The following OPCML variants were observed in gnomAD, a reference collection of about 807,000 sequenced individuals.
OPCML encodes the protein opioid binding protein/cell adhesion molecule like.
OPCML carries 13 observed loss-of-function variants against 37.8 expected under a neutral mutation model. The ratio of observed to expected loss-of-function variants is 0.34; its 90% CI spans 0.22 to 0.55. The LOEUF is 0.55. OPCML is among the 20% of genes least tolerant of loss of function. The probability of loss-of-function intolerance (pLI) is 0.91; values close to 1 mark genes in which losing one functional copy is unlikely to be tolerated. For synonymous variants in OPCML, 176 were observed against 168.8 expected, an observed-to-expected ratio of 1.04 and a Z score of -0.33; for missense variants, 341 against 435.6, an observed-to-expected ratio of 0.78 and a Z score of 1.93.
chr11:132,595,359 A>G (rs2096490882), intron 3 of OPCML, among the ~76,000 whole-genome samples: 1 of 152,222 alleles, frequency 6.6e-6, no homozygotes, highest in Non-Finnish European at 1.5e-5. Context: ...GCATCACATA[A>G]TAAATGTGTC....
intron 1 of OPCML, among the ~76,000 whole-genome samples, chr11:133,473,225 A>C (rs1445752836): frequency 6.6e-6 from 1 of 152,224 alleles, no homozygotes; most frequent in East Asian, 1.9e-4. Flanking sequence ...GAAACAGCAC[A>C]GAAACCTAAC....
chr11:133,096,702 C>A (rs1949009048), intron 1 of OPCML, among the ~76,000 whole-genome samples: 1 of 151,866 alleles, frequency 6.6e-6, no homozygotes, highest in Admixed American at 6.6e-5. Flanking sequence ...GCCATGGTAA[C>A]ACTATTTAGA....
intron 1 of OPCML, among the ~76,000 whole-genome samples, chr11:132,955,936 T>G (rs1945969504): frequency 1.3e-5 from 2 of 152,174 alleles, no homozygotes; most frequent in African/African-American, 2.4e-5. Context: ...CAACATTCAT[T>G]GCTGTATTAC....
At chr11:132,816,279 G>T (rs1389411068) in intron 2 of OPCML, among the ~76,000 whole-genome samples, 9 of 152,066 alleles carry the variant, frequency 5.9e-5, no homozygotes, top group Admixed American at 5.9e-4. Flanking sequence ...TTTGTAAAGG[G>T]CCAGATAATA....
rs1267420139 is a variant in OPCML, at chr11:133,526,278, G to C, written c.61+5986C>G. Among the ~76,000 whole-genome samples the C allele has an allele frequency of 2.0e-5, 3 of 152,228 alleles. No homozygotes were observed. In the East Asian group the frequency reaches 5.8e-4, roughly 29 times the overall value. On this transcript the variant is annotated intron_variant, in intron 1 of 7. Coordinates refer to ENST00000524381, the MANE Select transcript of OPCML (RefSeq NM_001012393.5). Reference sequence around the variant, plus strand: ...GCCTCCTGCCATGTGTGCCCACAGGGAGAGCACCAAGGCTGGGGGCTAGAG... The same window carrying C: ...GCCTCCTGCCATGTGTGCCCACAGGCAGAGCACCAAGGCTGGGGGCTAGAG...
chr11:132,734,751 C>T (rs1041694206), intron 2 of OPCML, among the ~76,000 whole-genome samples: 2 of 152,098 alleles, frequency 1.3e-5, no homozygotes, highest in Non-Finnish European at 2.9e-5. Context: ...AGAGGTGTTG[C>T]CGACTGTAAA....
At chr11:133,079,753 T>A (rs1003520850) in intron 1 of OPCML, among the ~76,000 whole-genome samples, 1 of 152,058 alleles carries the variant, frequency 6.6e-6, no homozygotes. Context: ...TCCGCCTGCC[T>A]GTTGTAAGGT....
intron 1 of OPCML, chr11:133,008,058 G>A (rs963685543): frequency 2.0e-6 from 2 of 985,306 alleles, no homozygotes; most frequent in East Asian, 1.1e-4. Context: ...TTGCTGTACG[G>A]CTACTTGCAT....
At chr11:133,490,500 G>A (rs1450400039) in intron 1 of OPCML, among the ~76,000 whole-genome samples, 1 of 152,158 alleles carries the variant, frequency 6.6e-6, no homozygotes, top group African/African-American at 2.4e-5. Flanking sequence ...AGTAAAACGA[G>A]GGTCAGGAGT....
chr11:132,467,801 G>A (rs916840577), intron 4 of OPCML, among the ~76,000 whole-genome samples: 1 of 152,112 alleles, frequency 6.6e-6, no homozygotes, highest in Non-Finnish European at 1.5e-5. Context: ...TAGTGATAAT[G>A]GTCTATGAAA....
chr11:132,536,384 T>C (rs1435236690), intron 3 of OPCML, among the ~76,000 whole-genome samples: 1 of 152,218 alleles, frequency 6.6e-6, no homozygotes, highest in East Asian at 1.9e-4. Flanking sequence ...TTCTGTGTGA[T>C]TTTTGTACAC....
intron 1 of OPCML, among the ~76,000 whole-genome samples, chr11:133,391,844 T>C (rs1466167320): frequency 6.6e-6 from 1 of 152,204 alleles, no homozygotes; most frequent in African/African-American, 2.4e-5. Context: ...TTAGGCTTTA[T>C]TTTTCTCTCA....
At chr11:132,496,767 C>G (rs1592266199) in intron 4 of OPCML, among the ~76,000 whole-genome samples, 1 of 152,128 alleles carries the variant, frequency 6.6e-6, no homozygotes, top group South Asian at 2.1e-4. Context: ...AGTCTCAACC[C>G]AATATTACAA....
In OPCML at chr11:133,208,315, A is replaced by G. The variant is rs889400161; in HGVS notation, c.62-265305T>C. Among the ~76,000 whole-genome samples, 4 of 152,182 alleles carry G rather than the reference A, an allele frequency of 2.6e-5. No homozygotes were observed. Among genetic ancestry groups the G allele is most frequent in the African/African-American group, 7.2e-5 (3 of 41,438 alleles). On this transcript the variant is annotated intron_variant, in intron 1 of 7. Transcript: ENST00000524381. The surrounding 1 kb of genome is among the most constrained non-coding windows in gnomAD (Gnocchi z 8.9). ...GTGAATGAATGCGGGACAGAAGCCT[A>G]CACTACCGTGTGTTCTACTACATTC... is the stretch of plus-strand genomic sequence containing the variant.
At chr11:132,987,253 G>A (rs11223315) in intron 1 of OPCML, among the ~76,000 whole-genome samples, 1 of 152,028 alleles carries the variant, frequency 6.6e-6, no homozygotes, top group Non-Finnish European at 1.5e-5. Context: ...GTTTTGTAAG[G>A]GGGAGGGAGG....
intron 4 of OPCML, among the ~76,000 whole-genome samples, chr11:132,458,079 CTA>C (rs2096088546): frequency 6.6e-6 from 1 of 152,176 alleles, no homozygotes; most frequent in East Asian, 1.9e-4. Flanking sequence ...GTGGGAAAGA[CTA>C]TTCTATCCTG....
At chr11:132,677,045 A>G (rs1942741679) in intron 2 of OPCML, among the ~76,000 whole-genome samples, 1 of 152,112 alleles carries the variant, frequency 6.6e-6, no homozygotes, top group Non-Finnish European at 1.5e-5. Context: ...AAGCAATTAT[A>G]GCAAGGTTGC....
rs959417400 is a variant in OPCML at position 132,695,827 on chromosome 11, A to G, written c.147-38508T>C. Among the ~76,000 whole-genome samples, 4 of 152,230 alleles carry G rather than the reference A, an allele frequency of 2.6e-5. No individual in the cohort carries two copies. In the East Asian group the frequency reaches 7.7e-4, roughly 29 times the overall value. ...GGACTTTCAAGAAAATCCTAGAAGT[A>G]TGGAGAAAGATGAACAAGACACAAG... On this transcript the variant is annotated intron_variant, in intron 2 of 7. Coordinates refer to ENST00000524381, the MANE Select transcript of OPCML (RefSeq NM_001012393.5).
intron 2 of OPCML, among the ~76,000 whole-genome samples, chr11:132,932,950 T>C (rs1945258003): frequency 6.6e-6 from 1 of 151,652 alleles, no homozygotes; most frequent in African/African-American, 2.4e-5. Flanking sequence ...AGAGTTGGGA[T>C]TCAAAATGAG....
Sources: gnomAD v4.1 joint callset for allele counts (sites outside exome capture counted in the v4.1 genomes callset) on GRCh38, gnomAD v4.1.1 for gene constraint, Gnocchi (gnomAD v3.1) non-coding constraint, MANE v1.5 for transcripts, NCBI Gene and HGNC (gene_info 2026-07-23, HGNC 2026-07-21) for gene names.